The following GPHN variants were observed in gnomAD, a reference collection of about 807,000 sequenced individuals.
GPHN encodes gephyrin.
Under a neutral mutation model 95.5 loss-of-function variants are expected in GPHN, and 17 were observed. That is an observed-to-expected ratio of 0.18 (90% CI 0.12 to 0.27). GPHN has a LOEUF of 0.27. Ranked by LOEUF, GPHN falls within the 10% of genes least tolerant of loss-of-function variation. GPHN has a pLI of 1.00. For missense variants in GPHN, 660 were observed against 978.1 expected (o/e 0.67, Z 4.34); for synonymous variants, 320 against 322.5 (o/e 0.99, Z 0.08).
At position 66,617,699 on chromosome 14, in the gene GPHN, C is replaced by T. The variant is rs559836643; in HGVS notation, c.65-63408C>T. The stretch of plus-strand genomic sequence containing the variant: ...TAAGGAATTTCCCTTTTTCCTAGGT[C>T]GCTGAGAGTTTTTTTTCATAAATGG... On this transcript the variant is annotated intron_variant, in intron 1 of 22. Transcript: ENST00000478722. 3.9e-5 allele frequency among the ~76,000 whole-genome samples: 6 copies of T among 151,986 alleles called. No homozygotes were observed. In the South Asian group the frequency reaches 6.3e-4, roughly 16 times the overall value.
chr14:67,667,836 C>T, the GPHN span, among the ~76,000 whole-genome samples: 101 of 152,002 alleles, frequency 6.6e-4, no homozygotes, highest in Admixed American at 1.1e-3. Context: ...CCCAGCTACT[C>T]GGGAGGCTGA....
the GPHN span, chr14:67,473,278 G>C: frequency 8.3e-7 from 1 of 1,198,442 alleles, no homozygotes; most frequent in Non-Finnish European, 1.2e-6. The surrounding 1 kb of genome is among the most constrained non-coding windows in gnomAD (Gnocchi z 6.5). Flanking sequence ...CCCCGCGGAC[G>C]TTAGGGGGCT....
At chr14:66,510,897 T>C (rs2058016668) in intron 1 of GPHN, among the ~76,000 whole-genome samples, 1 of 151,962 alleles carries the variant, frequency 6.6e-6, no homozygotes, top group African/African-American at 2.4e-5. Flanking sequence ...AGCCGTCTCA[T>C]GAGAATGAGG....
the GPHN span, among the ~76,000 whole-genome samples, chr14:67,247,799 A>G: frequency 1 from 152,178 of 152,206 alleles, 76,075 homozygotes; most frequent in Middle Eastern, 1. Context: ...GGCTGGTCTC[A>G]AATTCCTGGG....
the GPHN span, among the ~76,000 whole-genome samples, chr14:67,483,998 G>C: frequency 6.6e-6 from 1 of 152,216 alleles, no homozygotes; most frequent in African/African-American, 2.4e-5. Flanking sequence ...CTGCACGGGG[G>C]ACTGGCAGGC....
the GPHN span, chr14:67,395,498 T>C: frequency 6.2e-7 from 1 of 1,614,004 alleles, no homozygotes. Context: ...CCCGGTGATC[T>C]CAAAGGCCCA....
At chr14:67,420,445 G>A in the GPHN span, among the ~76,000 whole-genome samples, 1 of 152,224 alleles carries the variant, frequency 6.6e-6, no homozygotes, top group Non-Finnish European at 1.5e-5. Flanking sequence ...GGTTAATGAT[G>A]GGAAGAGATG....
the GPHN span, among the ~76,000 whole-genome samples, chr14:67,377,402 G>A: frequency 1.8e-3 from 271 of 152,234 alleles, no homozygotes; most frequent in African/African-American, 6.3e-3. Context: ...GGCTATTTTA[G>A]AGCTTTTCCA....
the GPHN span, among the ~76,000 whole-genome samples, chr14:67,629,059 T>TG: frequency 6.6e-6 from 1 of 151,958 alleles, no homozygotes; most frequent in East Asian, 1.9e-4. Flanking sequence ...CAGGGCTGGG[T>TG]GGGGTGGCTC....
intron 9 of GPHN, among the ~76,000 whole-genome samples, chr14:66,970,834 A>G (rs2069708988): frequency 6.6e-6 from 1 of 152,226 alleles, no homozygotes; most frequent in Non-Finnish European, 1.5e-5. Context: ...GAGATCAAAA[A>G]TACATTCTCT....
chr14:66,543,268 C>T (rs917596792), intron 1 of GPHN, among the ~76,000 whole-genome samples: 1 of 152,182 alleles, frequency 6.6e-6, no homozygotes, highest in African/African-American at 2.4e-5. Flanking sequence ...ATTGAAACTA[C>T]TCTTGATAAG....
At chr14:67,289,768 C>CTTTTT in the GPHN span, among the ~76,000 whole-genome samples, 62 of 95,462 alleles carry the variant, frequency 6.5e-4, 7 homozygotes, top group Non-Finnish European at 9.0e-4. Flanking sequence ...TTTTCCATGT[C>CTTTTT]CTTTTTTTTT....
chr14:67,452,122 A>G, the GPHN span, among the ~76,000 whole-genome samples: 5 of 152,284 alleles, frequency 3.3e-5, no homozygotes, highest in African/African-American at 9.6e-5. Context: ...ACCTGAGGTC[A>G]GGAGTTTGAG....
At chr14:66,888,122 C>T (rs1028941392) in intron 5 of GPHN, among the ~76,000 whole-genome samples, 1 of 152,114 alleles carries the variant, frequency 6.6e-6, no homozygotes, top group Non-Finnish European at 1.5e-5. Flanking sequence ...TTTGAGACAA[C>T]TCTAAAACGT....
intron 3 of GPHN, among the ~76,000 whole-genome samples, chr14:66,797,968 C>T (rs111309178): frequency 0.015 from 2,342 of 151,880 alleles, 31 homozygotes; most frequent in Non-Finnish European, 0.018. Flanking sequence ...GTCTGTCATG[C>T]ATGGTTTTTA....
intron 3 of GPHN, among the ~76,000 whole-genome samples, chr14:66,787,379 G>C (rs1421625173): frequency 6.6e-6 from 1 of 152,052 alleles, no homozygotes; most frequent in Non-Finnish European, 1.5e-5. Flanking sequence ...TTCAAATATT[G>C]AAAAATTCAG....
At chr14:67,257,548 A>G in the GPHN span, among the ~76,000 whole-genome samples, 13 of 152,266 alleles carry the variant, frequency 8.5e-5, no homozygotes, top group African/African-American at 2.9e-4. Flanking sequence ...GGAATGTACT[A>G]TGAGAGACAG....
chr14:67,473,792 G>T, the GPHN span: 195 of 1,613,852 alleles, frequency 1.2e-4, no homozygotes, highest in Non-Finnish European at 2.5e-5. This position sits in a 1 kb window ranked among gnomAD's most constrained non-coding sequence, Gnocchi z 6.5. Flanking sequence ...ACACGCTCGT[G>T]ACCCCAGGGA....
chr14:67,009,916 A>G (rs2072870497), intron 9 of GPHN, among the ~76,000 whole-genome samples: 1 of 151,576 alleles, frequency 6.6e-6, no homozygotes, highest in Non-Finnish European at 1.5e-5. Flanking sequence ...ACACCACTGT[A>G]TCTGGCTAAT....
Sources: gnomAD v4.1 joint callset for allele counts (sites outside exome capture counted in the v4.1 genomes callset) on GRCh38, gnomAD v4.1.1 for gene constraint, Gnocchi (gnomAD v3.1) non-coding constraint, MANE v1.5 for transcripts, NCBI Gene and HGNC (gene_info 2026-07-23, HGNC 2026-07-21) for gene names.